USP45: variants seen among roughly 807,000 people sequenced by gnomAD.
USP45 encodes the protein ubiquitin carboxyl-terminal hydrolase 45.
A neutral mutation model predicts 95.8 loss-of-function variants in USP45; 89 were observed. The ratio of observed to expected loss-of-function variants is 0.93; its 90% CI spans 0.78 to 1.11. The LOEUF (loss-of-function observed/expected upper bound fraction) is 1.11. Among genes scored for constraint, USP45 ranks in the 50% least tolerant of loss-of-function variants. The pLI is 0.00. For missense variants in USP45, 898 were observed against 942.5 expected (o/e 0.95, Z 0.62); for synonymous variants, 281 against 316.2 (o/e 0.89, Z 1.18).
intron 15 of USP45, among the ~76,000 whole-genome samples, chr6:99,441,507 G>C (rs1781518969): frequency 6.6e-6 from 1 of 151,830 alleles, no homozygotes; most frequent in African/African-American, 2.4e-5. Flanking sequence ...ACTCCAGCCT[G>C]GGCGACAAAA....
intron 8 of USP45, among the ~76,000 whole-genome samples, chr6:99,481,020 T>C (rs959153544): frequency 6.6e-6 from 1 of 152,166 alleles, no homozygotes; most frequent in Non-Finnish European, 1.5e-5. Context: ...CAGGGAGGCA[T>C]GCTTGAGCCC....
chr6:99,473,198 C>CA (rs1274041072), intron 9 of USP45, among the ~76,000 whole-genome samples: 2 of 151,554 alleles, frequency 1.3e-5, no homozygotes, highest in Admixed American at 6.6e-5. Context: ...TTCAAATTCT[C>CA]AAAAAAAAGT....
intron 5 of USP45, among the ~76,000 whole-genome samples, chr6:99,497,248 T>C (rs1796487984): frequency 6.6e-6 from 1 of 152,086 alleles, no homozygotes; most frequent in Non-Finnish European, 1.5e-5. Context: ...ATTCCATGTA[T>C]GGGGAAGGGG....
In USP45 at chr6:99,507,536, A is replaced by T. The variant is rs1202414442; in HGVS notation, c.274-5T>A. 2.5e-6 allele frequency: 4 copies of T among 1,575,536 alleles called. No homozygotes were observed. The highest frequency in any genetic ancestry group is 3.5e-6 in the Non-Finnish European group (4 of 1,149,698). On this transcript the variant is annotated splice_region_variant and splice_polypyrimidine_tract_variant and intron_variant, in intron 3 of 17. Coordinates refer to ENST00000500704, the MANE Select transcript of USP45 (RefSeq NM_001346022.3). ...TTCTGAGTTTTTACCACATCCCTGA[A>T]GATGAACAGAATTTTATTTTGTATG...
At chr6:99,487,795 C>A (rs576253838) in intron 7 of USP45, among the ~76,000 whole-genome samples, 1 of 151,508 alleles carries the variant, frequency 6.6e-6, no homozygotes, top group Non-Finnish European at 1.5e-5. Flanking sequence ...AGCGAGACCC[C>A]GTCTCAAAAA....
Position 99,435,757 on chromosome 6 carries a change from T to G in USP45, c.2404A>C (p.Ser802Arg), listed in dbSNP as rs1221191055. ...LQVVPESRAL[S>R]AQAYLLFYER... The stretch of plus-strand genomic sequence containing the variant: ...TAGAAAAGAAGGTAGGCTTGTGCAC[T>G]AAGTGCTCTTGATTCTGGAACCACC... The change falls in exon 18 of 18, where the codon AGT (serine) becomes CGT (arginine). Residue 802 changes from serine (S) to arginine (R), a missense_variant. Physicochemically the swap from Ser to Arg is moderately radical, Grantham distance 110. Transcript: ENST00000500704. 1.2e-6 allele frequency: 2 copies of G among 1,613,494 alleles called. No individual in the cohort carries two copies. Among genetic ancestry groups the G allele is most frequent in the Non-Finnish European group, 1.7e-6 (2 of 1,179,526 alleles).
chr6:99,483,411 T>C (rs1015365259), intron 7 of USP45, among the ~76,000 whole-genome samples: 17 of 152,152 alleles, frequency 1.1e-4, no homozygotes. Flanking sequence ...GGGTGAAGGA[T>C]TAACCCATTT....
Position 99,464,732 on chromosome 6 carries a change from G to C in USP45, c.1180C>G (p.Leu394Val), listed in dbSNP as rs1053567296. 1.2e-6 allele frequency: 2 copies of C among 1,607,056 alleles called. No individual in the cohort carries two copies. Among genetic ancestry groups the C allele is most frequent in the Admixed American group, 1.7e-5 (1 of 59,380 alleles). Residue 394 changes from leucine (L) to valine (V), a missense_variant, in exon 13 of 18, where the codon CTT (leucine) becomes GTT (valine). Transcript: ENST00000500704. ...IIEERVSKPL[L>V]WGRMNKYRSL... ...CTATATTTATTCATTCTTCCCCAAA[G>C]TAAAGGTTTTGAAACCTATGTAAAT...
chr6:99,448,754 A>C (rs1183639634), intron 13 of USP45, among the ~76,000 whole-genome samples: 2 of 152,212 alleles, frequency 1.3e-5, no homozygotes, highest in African/African-American at 2.4e-5. Context: ...ATGAAGGAAA[A>C]AATGTTAAGG....
At chr6:99,468,095 C>T in intron 10 of USP45, 1 of 453,988 alleles carries the variant, frequency 2.2e-6, no homozygotes, top group Non-Finnish European at 4.4e-6. Flanking sequence ...TTACACTTGA[C>T]TTACCAGCAC....
intron 4 of USP45, 39 bp downstream of exon 4, chr6:99,507,389 G>T: frequency 2.4e-6 from 3 of 1,253,594 alleles, no homozygotes; most frequent in Non-Finnish European, 3.4e-6. Context: ...TTGGGGGGCT[G>T]TGGTTAGTGG....
chr6:99,490,411 C>G (rs1794912549), intron 5 of USP45, among the ~76,000 whole-genome samples: 1 of 151,994 alleles, frequency 6.6e-6, no homozygotes, highest in East Asian at 1.9e-4. Flanking sequence ...AACTCCTGAC[C>G]TCAAGTGATC....
At chr6:99,503,909 C>G (rs759042988) in intron 4 of USP45, 44 bp from the exon 5 acceptor site, 13 of 1,365,158 alleles carry the variant, frequency 9.5e-6, no homozygotes, top group Non-Finnish European at 1.3e-5. Context: ...AAAATATTCT[C>G]AATAATTTTG....
intron 4 of USP45, among the ~76,000 whole-genome samples, chr6:99,506,038 CACA>C (rs1343567474): frequency 3.3e-5 from 5 of 152,156 alleles, no homozygotes; most frequent in African/African-American, 1.2e-4. Context: ...ACTTGGGACT[CACA>C]ACAACAAATA....
intron 13 of USP45, among the ~76,000 whole-genome samples, chr6:99,462,971 G>T (rs1431786148): frequency 1.3e-5 from 2 of 151,974 alleles, no homozygotes; most frequent in African/African-American, 2.4e-5. Flanking sequence ...AACAGTGTGA[G>T]ACTCTGTCTC....
intron 11 of USP45, 105 bp from the exon 12 acceptor site, chr6:99,465,241 C>T (rs553025343): frequency 1.3e-4 from 112 of 836,534 alleles, no homozygotes; most frequent in Non-Finnish European, 1.8e-4. Flanking sequence ...TAAAATTTTA[C>T]GTTAAAAACT....
intron 7 of USP45, 101 bp downstream of exon 7, chr6:99,488,099 G>T (rs2181687): frequency 4.3e-6 from 3 of 702,492 alleles, no homozygotes; most frequent in East Asian, 5.7e-5. Flanking sequence ...AAGCCCCCTG[G>T]CTACTATCTT....
At chr6:99,478,048 T>C (rs1443948015) in intron 8 of USP45, among the ~76,000 whole-genome samples, 1 of 151,980 alleles carries the variant, frequency 6.6e-6, no homozygotes, top group Non-Finnish European at 1.5e-5. Flanking sequence ...AAGTGGTAGG[T>C]AGGAGGAGGG....
rs769503076 is a variant in USP45, at chr6:99,508,769, G to T, written c.114C>A (p.Cys38Ter). Residue 38 changes from cysteine to a stop codon, truncating the protein, a stop_gained, in exon 3 of 18, where the codon TGC (cysteine) becomes TGA (stop). Transcript: ENST00000500704. LOFTEE classifies it high-confidence loss of function. ...SSDDIAVGLT[C>*]QHVSHAISVN... ...CGCTGATAGCATGACTTACATGTTG[G>T]CAAGTTAAACCTACTGAATAAGATA... 3.7e-6 allele frequency: 6 copies of T among 1,609,762 alleles called. No homozygotes were observed. Among genetic ancestry groups the T allele is most frequent in the Non-Finnish European group, 4.2e-6 (5 of 1,178,588 alleles).
Sources: allele counts gnomAD v4.1 joint callset (sites outside exome capture counted in the v4.1 genomes callset), GRCh38; gene constraint gnomAD v4.1.1; transcripts MANE v1.5; gene names NCBI Gene and HGNC (gene_info 2026-07-23, HGNC 2026-07-21).